ACADL: variants seen among roughly 807,000 people sequenced by gnomAD.
The protein encoded by ACADL is long-chain specific acyl-CoA dehydrogenase, mitochondrial.
Under a neutral mutation model 56.9 loss-of-function variants are expected in ACADL, and 60 were observed. The observed-to-expected ratio is 1.05, with a 90% CI of 0.86 to 1.31. The LOEUF (loss-of-function observed/expected upper bound fraction) is 1.31, where lower values mean the gene tolerates loss of function less well. Ranked by LOEUF, ACADL falls within the 50% of genes most tolerant of loss-of-function variation. The probability of loss-of-function intolerance (pLI) is 0.00; values close to 1 mark genes in which losing one functional copy is unlikely to be tolerated. For synonymous variants in ACADL, 158 were observed against 179.7 expected, an observed-to-expected ratio of 0.88 and a Z score of 0.97; for missense variants, 484 against 525.5, an observed-to-expected ratio of 0.92 and a Z score of 0.77.
intron 8 of ACADL, among the ~76,000 whole-genome samples, chr2:210,201,564 A>G (rs1688793258): frequency 6.6e-6 from 1 of 152,208 alleles, no homozygotes; most frequent in Non-Finnish European, 1.5e-5. Context: ...GTGTTAGGAC[A>G]TAAACCACAC....
At chr2:210,195,165 A>G (rs771001389) in intron 9 of ACADL, 46 bp downstream of exon 9, 3 of 1,612,912 alleles carry the variant, frequency 1.9e-6, no homozygotes, top group South Asian at 1.1e-5. Flanking sequence ...AGAATTCCAT[A>G]TCAGTCTGAG....
chr2:210,193,409 A>C (rs1380436801), intron 9 of ACADL, among the ~76,000 whole-genome samples: 1 of 152,158 alleles, frequency 6.6e-6, no homozygotes. Context: ...AAAACCTAAG[A>C]GGGCAGACTA....
At chr2:210,212,230 G>A (rs936686433) in intron 4 of ACADL, among the ~76,000 whole-genome samples, 1 of 151,960 alleles carries the variant, frequency 6.6e-6, no homozygotes, top group Non-Finnish European at 1.5e-5. Flanking sequence ...ACCTTACATG[G>A]AAAAAGAATC....
chr2:210,199,522 T>G (rs1688761816), intron 8 of ACADL, among the ~76,000 whole-genome samples: 1 of 152,156 alleles, frequency 6.6e-6, no homozygotes, highest in Non-Finnish European at 1.5e-5. Flanking sequence ...GAAAACAATA[T>G]GGACCACTTT....
Position 210,191,757 on chromosome 2 carries a change from G to A in ACADL, c.1199+1047C>T, listed in dbSNP as rs528354722. On this transcript the variant is annotated intron_variant, in intron 10 of 10. Transcript: ENST00000233710. ...GAAGCCTATAGCATTCTTACTCTCAGATTCAGAACAAACTGAACTTTTCTG... is the reference window on the plus strand; with the variant it reads ...GAAGCCTATAGCATTCTTACTCTCAAATTCAGAACAAACTGAACTTTTCTG... Among the ~76,000 whole-genome samples the A allele has an allele frequency of 1.5e-4, 23 of 152,130 alleles. No homozygotes were observed. The South Asian group carries it at 4.4e-3, about 29-fold the overall frequency.
At chr2:210,210,016 G>A in intron 5 of ACADL, 180 bp downstream of exon 5, 1 of 560,534 alleles carries the variant, frequency 1.8e-6, no homozygotes, top group East Asian at 3.0e-5. Flanking sequence ...AAATATAGAA[G>A]AAGCTACCAC....
chr2:210,218,943 C>T (rs990545508), intron 2 of ACADL, among the ~76,000 whole-genome samples: 2 of 152,104 alleles, frequency 1.3e-5, no homozygotes, highest in Non-Finnish European at 2.9e-5. Context: ...GGTAGGCAAC[C>T]TCAGCTTTTC....
At chr2:210,197,670 C>A (rs1688731751) in intron 8 of ACADL, among the ~76,000 whole-genome samples, 1 of 151,956 alleles carries the variant, frequency 6.6e-6, no homozygotes, top group Admixed American at 6.6e-5. Flanking sequence ...ATTTTTTTGC[C>A]TACATGATGC....
At chr2:210,213,084 G>A (rs184588287) in intron 4 of ACADL, among the ~76,000 whole-genome samples, 15 of 152,298 alleles carry the variant, frequency 9.8e-5, no homozygotes, top group African/African-American at 1.4e-4. Flanking sequence ...CTATATGACC[G>A]ACCTCCACTA....
intron 7 of ACADL, among the ~76,000 whole-genome samples, chr2:210,203,834 C>G (rs1352641955): frequency 4.6e-5 from 7 of 152,108 alleles, no homozygotes; most frequent in African/African-American, 1.4e-4. Context: ...TAACACCATG[C>G]CCATGAATGA....
chr2:210,193,021 T>C (rs559482674), intron 9 of ACADL, 131 bp from the exon 10 acceptor site: 6 of 669,732 alleles, frequency 9.0e-6, no homozygotes, highest in African/African-American at 5.5e-5. Flanking sequence ...GAACGGCATA[T>C]TAGCTAAGCA....
At chr2:210,190,930 T>TC (rs1444187019) in intron 10 of ACADL, among the ~76,000 whole-genome samples, 2 of 151,054 alleles carry the variant, frequency 1.3e-5, no homozygotes, top group East Asian at 1.9e-4. Flanking sequence ...TTTGTTTTTT[T>TC]TTTTTTGAGA....
At chr2:210,191,388 T>C (rs931505244) in intron 10 of ACADL, among the ~76,000 whole-genome samples, 2 of 152,198 alleles carry the variant, frequency 1.3e-5, no homozygotes, top group Non-Finnish European at 2.9e-5. Flanking sequence ...TCAATCTACA[T>C]TGTTTGCTTG....
chr2:210,199,119 T>C (rs1283731515), intron 8 of ACADL, among the ~76,000 whole-genome samples: 3 of 152,186 alleles, frequency 2.0e-5, no homozygotes, highest in Non-Finnish European at 2.9e-5. Flanking sequence ...TCTATTTCAA[T>C]TGAATAACTA....
rs1688829774 is a variant in ACADL at position 210,203,384 on chromosome 2, T to C, written c.931A>G (p.Arg311Gly). 6.2e-7 allele frequency: 1 copy of C among 1,611,458 alleles called. No individual in the cohort carries two copies. ...GCTTTTCTTTGTTTAACATAGTTCC[T>C]GGTTTCTTCAAACATGAATTCACTA... ...SASEFMFEET[R>G]NYVKQRKAFG... The change falls in exon 8 of 11, where the codon AGG (arginine) becomes GGG (glycine). Residue 311 changes from arginine (R) to glycine (G), a missense_variant. Coordinates refer to ENST00000233710, the MANE Select transcript of ACADL (RefSeq NM_001608.4).
chr2:210,196,080 G>C (rs1213796488), intron 8 of ACADL, among the ~76,000 whole-genome samples: 2 of 152,036 alleles, frequency 1.3e-5, no homozygotes, highest in African/African-American at 4.8e-5. Context: ...GGGTGGGTTT[G>C]TCCCATGATG....
At chr2:210,215,805 T>C (rs759352712) in intron 4 of ACADL, among the ~76,000 whole-genome samples, 11 of 152,194 alleles carry the variant, frequency 7.2e-5, no homozygotes, top group Admixed American at 2.6e-4. Context: ...GTACTTATCA[T>C]AATTTATAGC....
intron 5 of ACADL, 80 bp downstream of exon 5, chr2:210,210,116 A>C: frequency 9.2e-7 from 1 of 1,084,238 alleles, no homozygotes; most frequent in South Asian, 1.3e-5. Flanking sequence ...ATTTAATAGA[A>C]TTAATGAGTT....
intron 3 of ACADL, among the ~76,000 whole-genome samples, chr2:210,216,898 TA>T (rs1559640864): frequency 7.1e-6 from 1 of 140,824 alleles, no homozygotes; most frequent in African/African-American, 2.6e-5. Flanking sequence ...AAATAAAAAA[TA>T]AAAAAGCAAA....
Sources: allele counts gnomAD v4.1 joint callset (sites outside exome capture counted in the v4.1 genomes callset), GRCh38; gene constraint gnomAD v4.1.1; transcripts MANE v1.5; gene names NCBI Gene and HGNC (gene_info 2026-07-23, HGNC 2026-07-21).